Variants in SULT6B1 observed in about 807,000 individuals in gnomAD.
The protein encoded by SULT6B1 is sulfotransferase family 6B member 1.
In SULT6B1, 44 loss-of-function variants were observed where a neutral mutation model predicts 37.2. The ratio of observed to expected loss-of-function variants is 1.18; its 90% CI spans 0.93 to 1.52. The LOEUF is 1.52. Ranked by LOEUF, SULT6B1 falls within the 40% of genes most tolerant of loss-of-function variation. The pLI, the probability that SULT6B1 is intolerant of heterozygous loss-of-function variation, is 0.00. For synonymous variants in SULT6B1, 140 were observed against 126.0 expected (o/e 1.11, Z -0.74); for missense variants, 450 against 361.0 (o/e 1.25, Z -2.00).
intron 6 of SULT6B1, among the ~76,000 whole-genome samples, chr2:37,170,966 C>A (rs1485619334): frequency 6.6e-6 from 1 of 151,950 alleles, no homozygotes; most frequent in African/African-American, 2.4e-5. Flanking sequence ...CGGCCGGGCG[C>A]GGTGGCTCAC....
rs1437380364 is a variant in SULT6B1 at position 37,175,192 on chromosome 2, A to G, written c.564T>C (p.Asn188=). The G allele has an allele frequency of 3.1e-6, 5 of 1,591,360 alleles. No homozygotes were observed. The highest frequency in any genetic ancestry group is 1.7e-5 in the Admixed American group (1 of 57,744). ...TGTCGCCATCAAGATGTTTGTTCCA[A>G]TTGATTGCAAAATCAAAATACCTTC... ...SWGRYFDFAI[N]WNKHLDGDNV... is the part of the protein sequence containing the mutation. The change falls in exon 5 of 7, where the codon AAT becomes AAC. Residue 188 remains asparagine, a synonymous_variant. Transcript: ENST00000535679.
rs576755607 is a variant in SULT6B1, at chr2:37,177,581, A to T, written c.529+1877T>A. ...GGGAGACAGAAGTCAAAAGGTACAA[A>T]CTTGTTATGAAGTTATGAATTATTC... is the stretch of plus-strand genomic sequence containing the variant. On this transcript the variant is annotated intron_variant, in intron 4 of 6. Transcript: ENST00000535679. Among the ~76,000 whole-genome samples, 3 of 152,198 alleles carry T rather than the reference A, an allele frequency of 2.0e-5. No individual in the cohort carries two copies. The South Asian group carries it at 6.2e-4, about 32-fold the overall frequency.
intron 2 of SULT6B1, among the ~76,000 whole-genome samples, chr2:37,186,782 G>C (rs1320017719): frequency 6.6e-6 from 1 of 152,114 alleles, no homozygotes; most frequent in Non-Finnish European, 1.5e-5. Flanking sequence ...TGCAGTCCCA[G>C]CTACTCAGGA....
intron 5 of SULT6B1, among the ~76,000 whole-genome samples, chr2:37,174,557 T>C (rs1251955090): frequency 1.3e-5 from 2 of 152,166 alleles, no homozygotes; most frequent in Non-Finnish European, 2.9e-5. Context: ...CCCCCCAGCA[T>C]TTTTAATTTT....
Position 37,188,576 on chromosome 2 carries a change from G to A in SULT6B1, c.65C>T (p.Ala22Val). The A allele has an allele frequency of 6.4e-7, 1 of 1,571,506 alleles. No individual in the cohort carries two copies. The highest frequency in any genetic ancestry group is 2.2e-5 in the East Asian group (1 of 44,666). ...DEALEKSKET[A>V]LSHLFFTYQG... ...ATAGGTGAAAAATAAATGAGAGAGT[G>A]CAGTTTCTTTTGATTTTTCTAAAGC... Residue 22 changes from alanine (A) to valine (V), a missense_variant, in exon 1 of 7, where the codon GCA (alanine) becomes GTA (valine). Coordinates refer to ENST00000535679, the MANE Select transcript of SULT6B1 (RefSeq NM_001367551.1).
chr2:37,175,307 A>G, intron 4 of SULT6B1, 81 bp from the exon 5 acceptor site: 1 of 733,300 alleles, frequency 1.4e-6, no homozygotes, highest in Non-Finnish European at 2.2e-6. Context: ...TATAAAATAT[A>G]AACTATACAT....
chr2:37,176,858 T>C (rs1434471289), intron 4 of SULT6B1, among the ~76,000 whole-genome samples: 1 of 152,172 alleles, frequency 6.6e-6, no homozygotes, highest in Non-Finnish European at 1.5e-5. Flanking sequence ...GCTGGAAGGT[T>C]TCTGGCAAAA....
At chr2:37,171,627 A>T (rs762579080) in intron 5 of SULT6B1, 37 bp from the exon 6 acceptor site, 1 of 1,598,030 alleles carries the variant, frequency 6.3e-7, no homozygotes, top group African/African-American at 1.3e-5. Context: ...ATTTCTTCCT[A>T]TGGAAATTGT....
chr2:37,185,579 A>C (rs1488635168), intron 2 of SULT6B1, among the ~76,000 whole-genome samples: 1 of 151,912 alleles, frequency 6.6e-6, no homozygotes, highest in Non-Finnish European at 1.5e-5. Context: ...TTAGCTAGGC[A>C]TGATGGCGCA....
At chr2:37,193,573 AAAGAAGAAAAAGAAGAAGAAGAAAAAG>A (rs1676825329), upstream of SULT6B1, among the ~76,000 whole-genome samples, 4 of 129,656 alleles carry the variant, frequency 3.1e-5, no homozygotes, top group African/African-American at 5.6e-5. Context: ...ACCAAAAAAA[AAAGAAGAAAAAGAAGAAGAAGAAAAAG>A]AAGAAGAAGA....
At chr2:37,176,801 T>C (rs1484133012) in intron 4 of SULT6B1, among the ~76,000 whole-genome samples, 2 of 152,150 alleles carry the variant, frequency 1.3e-5, no homozygotes, top group Non-Finnish European at 2.9e-5. Flanking sequence ...AGAGCTGTAA[T>C]TGGCCACATG....
In SULT6B1 at chr2:37,175,126, T is replaced by A; in HGVS notation, c.624+6A>T. The A allele has an allele frequency of 6.6e-7, 1 of 1,520,702 alleles. No homozygotes were observed. The highest frequency in any genetic ancestry group is 8.9e-7 in the Non-Finnish European group (1 of 1,126,030). The allele number at this position is 1,520,702 out of a possible 1,614,324, so 94.2% of individuals were successfully genotyped here. A position where few individuals can be genotyped will look rare whatever the true frequency, so the allele number is the denominator to read the frequency against. On this transcript the variant is annotated splice_donor_region_variant and intron_variant, in intron 5 of 6. Coordinates refer to ENST00000535679, the MANE Select transcript of SULT6B1 (RefSeq NM_001367551.1). ...TTTTGCTCTAAAATATCAATAATAATCTCACCTCTTTCAGGTCTTCATATA... is the reference window on the plus strand; with the variant it reads ...TTTTGCTCTAAAATATCAATAATAAACTCACCTCTTTCAGGTCTTCATATA...
At chr2:37,192,075 C>T (rs1380769801), upstream of SULT6B1, among the ~76,000 whole-genome samples, 1 of 152,188 alleles carries the variant, frequency 6.6e-6, no homozygotes, top group African/African-American at 2.4e-5. Flanking sequence ...GGGCTGGGTG[C>T]CTCCTGCAGT....
At chr2:37,194,345 G>A in intron 1 of SULT6B1, 1 of 288,596 alleles carries the variant, frequency 3.5e-6, no homozygotes, top group Non-Finnish European at 6.7e-6. Flanking sequence ...CTCCCAAAGT[G>A]CTGGGGTTAC....
chr2:37,189,452 T>A (rs1676739446), upstream of SULT6B1, among the ~76,000 whole-genome samples: 1 of 152,236 alleles, frequency 6.6e-6, no homozygotes, highest in Admixed American at 6.5e-5. Flanking sequence ...CCCAAGTGGA[T>A]GACTTCAAGT....
At chr2:37,175,833 A>G (rs1425556931) in intron 4 of SULT6B1, among the ~76,000 whole-genome samples, 1 of 152,212 alleles carries the variant, frequency 6.6e-6, no homozygotes, top group African/African-American at 2.4e-5. Flanking sequence ...TGGATGCTAA[A>G]TTTTTATTGA....
chr2:37,168,311 G>A (rs1676224007), intron 6 of SULT6B1, among the ~76,000 whole-genome samples: 1 of 151,984 alleles, frequency 6.6e-6, no homozygotes, highest in Non-Finnish European at 1.5e-5. Flanking sequence ...ACCGGCGCCC[G>A]CCACCACACC....
chr2:37,174,479 T>G (rs557813945), intron 5 of SULT6B1, among the ~76,000 whole-genome samples: 9 of 152,198 alleles, frequency 5.9e-5, no homozygotes, highest in Admixed American at 2.6e-4. Context: ...ATTGTAGGCA[T>G]GAACCACCAC....
Position 37,171,450 on chromosome 2 carries a change from TGG to T in SULT6B1, c.763_764del (p.Pro255IlefsTer7). On this transcript the variant is annotated frameshift_variant, in exon 6 of 7. Coordinates refer to ENST00000535679, the MANE Select transcript of SULT6B1 (RefSeq NM_001367551.1). LOFTEE classifies it high-confidence loss of function. ...KSQDTHGAVG[P>X]FLFRKGEVGD... ...CGACTTTACCTTTGCGGAAAAGGAA[TGG>T]GCCGACAGCACCGTGTGTGTCCTGA... 4 of 1,613,656 alleles carry T rather than the reference TGG, an allele frequency of 2.5e-6. No individual in the cohort carries two copies. The highest frequency in any genetic ancestry group is 3.4e-6 in the Non-Finnish European group (4 of 1,179,824).
Sources: gnomAD v4.1 joint callset for allele counts (sites outside exome capture counted in the v4.1 genomes callset) on GRCh38, gnomAD v4.1.1 for gene constraint, MANE v1.5 for transcripts, NCBI Gene and HGNC (gene_info 2026-07-23, HGNC 2026-07-21) for gene names.